The following NALF1 variants were observed in gnomAD, a reference collection of about 807,000 sequenced individuals.
The protein encoded by NALF1 is family with sequence similarity 155 member A.
Under a neutral mutation model 48.4 loss-of-function variants are expected in NALF1, and 3 were observed. The ratio of observed to expected loss-of-function variants is 0.06; its 90% CI spans 0.03 to 0.16. NALF1 has a LOEUF of 0.16. Ranked by LOEUF, NALF1 falls within the 10% of genes least tolerant of loss-of-function variation. The probability of loss-of-function intolerance (pLI) is 1.00; values close to 1 mark genes in which losing one functional copy is unlikely to be tolerated. For missense variants in NALF1, 526 were observed against 571.5 expected, an observed-to-expected ratio of 0.92 and a Z score of 0.81; for synonymous variants, 262 against 245.7, an observed-to-expected ratio of 1.07 and a Z score of -0.62.
intron 1 of NALF1, among the ~76,000 whole-genome samples, chr13:107,661,884 A>C (rs1486771876): frequency 1.3e-5 from 2 of 152,212 alleles, no homozygotes; most frequent in Non-Finnish European, 2.9e-5. Context: ...ATAAATAATA[A>C]ATAAATCTAC....
At chr13:107,264,082 T>A (rs1880990693) in intron 1 of NALF1, among the ~76,000 whole-genome samples, 1 of 152,222 alleles carries the variant, frequency 6.6e-6, no homozygotes, top group Non-Finnish European at 1.5e-5. Flanking sequence ...CTTTAAATCT[T>A]TTTCTCCATT....
intron 1 of NALF1, among the ~76,000 whole-genome samples, chr13:107,546,940 C>A (rs955789060): frequency 1.3e-5 from 2 of 152,172 alleles, no homozygotes. Flanking sequence ...CTAAACCCAA[C>A]TCAACTATTA....
chr13:107,426,483 C>T (rs1884283600), intron 1 of NALF1, among the ~76,000 whole-genome samples: 1 of 152,100 alleles, frequency 6.6e-6, no homozygotes, highest in South Asian at 2.1e-4. Flanking sequence ...TGAGATTTTC[C>T]CCATATCTGA....
intron 1 of NALF1, among the ~76,000 whole-genome samples, chr13:107,393,661 G>T (rs956133334): frequency 1.3e-5 from 2 of 151,978 alleles, no homozygotes; most frequent in Non-Finnish European, 2.9e-5. Context: ...AAAAGAACAG[G>T]GTAGGGATTA....
chr13:107,471,214 C>T (rs888483656), intron 1 of NALF1, among the ~76,000 whole-genome samples: 4 of 151,488 alleles, frequency 2.6e-5, no homozygotes, highest in Admixed American at 2.6e-4. Flanking sequence ...CCATGTGAGA[C>T]ACAAGTTACA....
At chr13:107,563,364 C>T (rs1039226901) in intron 1 of NALF1, among the ~76,000 whole-genome samples, 4 of 152,124 alleles carry the variant, frequency 2.6e-5, no homozygotes, top group African/African-American at 9.7e-5. Flanking sequence ...AAGTGTGATA[C>T]AAGAAACACC....
intron 1 of NALF1, among the ~76,000 whole-genome samples, chr13:107,598,244 C>T (rs1048738799): frequency 6.6e-6 from 1 of 152,156 alleles, no homozygotes; most frequent in African/African-American, 2.4e-5. Flanking sequence ...TTTTGAGCAC[C>T]AATCCCTCTT....
intron 1 of NALF1, among the ~76,000 whole-genome samples, chr13:107,509,030 T>G (rs1456628746): frequency 4.6e-5 from 7 of 152,170 alleles, no homozygotes; most frequent in African/African-American, 1.7e-4. Flanking sequence ...TTTTAACAGC[T>G]AGTAAATTCA....
rs564908789 is a variant in NALF1 at position 107,606,558 on chromosome 13, G to T, written c.915+259124C>A. 1.6e-3 allele frequency among the ~76,000 whole-genome samples: 239 copies of T among 151,988 alleles called. 1 individual carries two copies. The highest frequency in any genetic ancestry group is 5.5e-3 in the African/African-American group (226 of 41,440). On this transcript the variant is annotated intron_variant, in intron 1 of 2. Transcript: ENST00000375915. ...TTTTTGTATTTTTAGTAGAGTCAGG[G>T]TTTCACCATGTTGGCCAGGCTGGTT... is the stretch of plus-strand genomic sequence containing the variant.
intron 1 of NALF1, among the ~76,000 whole-genome samples, chr13:107,412,390 T>A (rs1884007423): frequency 6.6e-6 from 1 of 152,180 alleles, no homozygotes; most frequent in Admixed American, 6.5e-5. Flanking sequence ...CAAGTAGTCA[T>A]CCTGTTTTGG....
rs143508398 is a variant in NALF1, at chr13:107,649,793, G to A, written c.915+215889C>T. Among the ~76,000 whole-genome samples, 17 of 152,256 alleles carry A rather than the reference G, an allele frequency of 1.1e-4. No individual in the cohort carries two copies. In the East Asian group the frequency reaches 2.9e-3, roughly 26 times the overall value. On this transcript the variant is annotated intron_variant, in intron 1 of 2. Coordinates refer to ENST00000375915, the MANE Select transcript of NALF1 (RefSeq NM_001080396.3). ...CAACTTTGTATATAAGAGACTTTCT[G>A]TCTTTTAGGAAACTATATTTTGTGG...
At chr13:107,699,102 G>A (rs987508182) in intron 1 of NALF1, among the ~76,000 whole-genome samples, 14 of 152,004 alleles carry the variant, frequency 9.2e-5, no homozygotes, top group African/African-American at 2.2e-4. Flanking sequence ...TTTCCTTAGC[G>A]TTTGCAGAGA....
intron 1 of NALF1, among the ~76,000 whole-genome samples, chr13:107,251,959 CAG>C (rs113978783): frequency 2.0e-5 from 3 of 152,202 alleles, no homozygotes; most frequent in Non-Finnish European, 4.4e-5. Flanking sequence ...AGTCTGCCTA[CAG>C]AGTGTCCCCT....
At chr13:107,222,819 T>C (rs1880022019) in intron 1 of NALF1, among the ~76,000 whole-genome samples, 2 of 152,242 alleles carry the variant, frequency 1.3e-5, no homozygotes, top group Non-Finnish European at 2.9e-5. Context: ...GCCTCTGGCA[T>C]GACTCAGCCA....
intron 1 of NALF1, among the ~76,000 whole-genome samples, chr13:107,211,185 C>CGCTAA (rs1879753963): frequency 6.6e-6 from 1 of 152,160 alleles, no homozygotes; most frequent in Non-Finnish European, 1.5e-5. Flanking sequence ...CTCCATAGGA[C>CGCTAA]GCTAGATGGC....
At chr13:107,832,268 C>T (rs1292541997) in intron 1 of NALF1, among the ~76,000 whole-genome samples, 4 of 151,514 alleles carry the variant, frequency 2.6e-5, no homozygotes, top group Admixed American at 6.6e-5. Context: ...TTAATCCATT[C>T]TATTTAAGTA....
intron 1 of NALF1, among the ~76,000 whole-genome samples, chr13:107,796,552 G>T (rs532141962): frequency 6.6e-6 from 1 of 152,070 alleles, no homozygotes; most frequent in Non-Finnish European, 1.5e-5. Context: ...TGTGAAATTT[G>T]TATTTCTTCC....
chr13:107,282,805 T>A (rs1427581916), intron 1 of NALF1, among the ~76,000 whole-genome samples: 1 of 152,224 alleles, frequency 6.6e-6, no homozygotes, highest in Non-Finnish European at 1.5e-5. Flanking sequence ...TCAGGAGAGA[T>A]GCTGTGCCTG....
At chr13:107,539,196 T>C (rs1420868352) in intron 1 of NALF1, among the ~76,000 whole-genome samples, 1 of 151,938 alleles carries the variant, frequency 6.6e-6, no homozygotes, top group Non-Finnish European at 1.5e-5. Context: ...AATAAGCTCA[T>C]TCAACTTATG....
Sources: gnomAD v4.1 joint callset for allele counts (sites outside exome capture counted in the v4.1 genomes callset) on GRCh38, gnomAD v4.1.1 for gene constraint, MANE v1.5 for transcripts, NCBI Gene and HGNC (gene_info 2026-07-23, HGNC 2026-07-21) for gene names.